UBR1: variants seen among roughly 807,000 people sequenced by gnomAD.
The protein encoded by UBR1 is ubiquitin protein ligase E3 component n-recognin 1, also known as E3 ubiquitin-protein ligase UBR1.
In UBR1, 102 loss-of-function variants were observed where a neutral mutation model predicts 242.1. That is an observed-to-expected ratio of 0.42 (90% CI 0.36 to 0.50). The LOEUF is 0.50. UBR1 is among the 20% of genes least tolerant of loss of function. The probability of loss-of-function intolerance (pLI) is 0.01; values close to 1 mark genes in which losing one functional copy is unlikely to be tolerated. For missense variants in UBR1, 1,772 were observed against 2,101.8 expected (o/e 0.84, Z 3.07); for synonymous variants, 675 against 684.8 (o/e 0.99, Z 0.22).
At chr15:43,092,102 T>C (rs750896784) in intron 1 of UBR1, 12 of 422,782 alleles carry the variant, frequency 2.8e-5, no homozygotes, top group South Asian at 5.0e-5. Flanking sequence ...AAACAAATTA[T>C]ACTCTTGGCT....
At chr15:43,069,440 C>A (rs944295337) in intron 5 of UBR1, among the ~76,000 whole-genome samples, 2 of 152,094 alleles carry the variant, frequency 1.3e-5, no homozygotes, top group Non-Finnish European at 2.9e-5. Context: ...TGATGCCCAG[C>A]TAATTTTTGT....
chr15:42,946,610 T>C (rs2031738831), intron 46 of UBR1, among the ~76,000 whole-genome samples: 1 of 152,196 alleles, frequency 6.6e-6, no homozygotes, highest in Admixed American at 6.5e-5. Context: ...AAGCCCCATC[T>C]AATAAGTGTA....
At chr15:42,978,362 C>CA (rs2032321689) in intron 37 of UBR1, among the ~76,000 whole-genome samples, 1 of 152,038 alleles carries the variant, frequency 6.6e-6, no homozygotes, top group African/African-American at 2.4e-5. Context: ...GAAGAACATG[C>CA]AAAACAGAGT....
intron 29 of UBR1, among the ~76,000 whole-genome samples, chr15:43,010,332 A>C (rs1263441130): frequency 2.0e-5 from 3 of 152,210 alleles, no homozygotes; most frequent in Non-Finnish European, 4.4e-5. Context: ...ACATGAAAAA[A>C]AAAAAAGCTG....
At chr15:43,020,022 C>T (rs1238460028) in intron 27 of UBR1, among the ~76,000 whole-genome samples, 2 of 151,968 alleles carry the variant, frequency 1.3e-5, no homozygotes, top group Non-Finnish European at 2.9e-5. Context: ...AGCTCAAGCA[C>T]CAAATCCAGG....
At position 43,036,511 on chromosome 15, in the gene UBR1, A is replaced by G. The variant is rs925613923; in HGVS notation, c.2088+17T>C. On this transcript the variant is annotated intron_variant, in intron 18 of 46. Transcript: ENST00000290650. ...GAAGATGAAGACACAAATATCAGAA[A>G]CAATTTAAATAGGTACCTGAAGCAT... 6 of 1,556,892 alleles carry G rather than the reference A, an allele frequency of 3.9e-6. No homozygotes were observed. The highest frequency in any genetic ancestry group is 1.7e-5 in the Admixed American group (1 of 59,860).
intron 28 of UBR1, among the ~76,000 whole-genome samples, chr15:43,016,576 A>G (rs1029421832): frequency 1.3e-5 from 2 of 152,098 alleles, no homozygotes; most frequent in Non-Finnish European, 2.9e-5. Context: ...AAAATATGGT[A>G]TTTTGGTTTT....
intron 15 of UBR1, among the ~76,000 whole-genome samples, chr15:43,042,679 G>A (rs1318460605): frequency 1.3e-5 from 2 of 152,220 alleles, no homozygotes; most frequent in South Asian, 2.1e-4. Context: ...CCACTGAACT[G>A]TACACTTAAA....
rs143365523 is a variant in UBR1, at chr15:43,099,139, C to A, written c.81+6803G>T. ...ATCACCTGAGGTCAGGAGTTTGAGACCAGCCCGGCCAACACGGCAAAATCC... is the reference window on the plus strand; with the variant it reads ...ATCACCTGAGGTCAGGAGTTTGAGAACAGCCCGGCCAACACGGCAAAATCC... On this transcript the variant is annotated intron_variant, in intron 1 of 46. Transcript: ENST00000290650. Among the ~76,000 whole-genome samples the A allele has an allele frequency of 5.8e-3, 885 of 152,100 alleles. 11 individuals are homozygous for A. Among genetic ancestry groups the A allele is most frequent in the African/African-American group, 0.02 (840 of 41,482 alleles).
rs1596082801 is a variant in UBR1 at position 42,977,681 on chromosome 15, GCT to G, written c.4218+197_4218+198del. 5.0e-5 allele frequency among the ~76,000 whole-genome samples: 7 copies of G among 140,904 alleles called. No individual in the cohort carries two copies. In the East Asian group the frequency reaches 1.3e-3, roughly 25 times the overall value. The allele number at this position is 140,904 out of a possible 152,430, so 92.4% of individuals were successfully genotyped here. On this transcript the variant is annotated intron_variant, in intron 38 of 46. Transcript: ENST00000290650. ...GACAAGACCTATTACAAATTGAAGT[GCT>G]TTTTTTTTTTTTTTTTAATGATTTT... is the stretch of plus-strand genomic sequence containing the variant.
chr15:43,065,337 T>A (rs1275938436), intron 6 of UBR1, among the ~76,000 whole-genome samples: 4 of 152,198 alleles, frequency 2.6e-5, no homozygotes, highest in Non-Finnish European at 5.9e-5. Context: ...TGATTCGTTC[T>A]CCTTTCCTAT....
intron 21 of UBR1, among the ~76,000 whole-genome samples, chr15:43,028,107 C>G (rs1427554173): frequency 6.6e-6 from 1 of 152,140 alleles, no homozygotes; most frequent in Non-Finnish European, 1.5e-5. Flanking sequence ...ACAGCATACA[C>G]ACATAGTATT....
chr15:43,015,829 G>A lies in UBR1; in HGVS notation c.3068C>T (p.Ala1023Val). The part of the protein sequence containing the change: ...DKEKAERKRK[A>V]EAARLHRQKI... ...CTGGCGATGTAGCCTAGCAGCTTCA[G>A]CTTTTCTTTTTCGTTCTGCTTTTTC... Residue 1023 changes from alanine to valine, a missense_variant, in exon 29 of 47, where the codon GCT (alanine) becomes GTT (valine). Physicochemically the swap from Ala to Val is moderately conservative, Grantham distance 64. This residue lies in a region of UBR1 where 965 missense variants were observed against 1,079.7 expected (regional missense o/e 0.89). Transcript: ENST00000290650. 6.2e-7 allele frequency: 1 copy of A among 1,614,068 alleles called. No individual in the cohort carries two copies. Among genetic ancestry groups the A allele is most frequent in the Non-Finnish European group, 8.5e-7 (1 of 1,180,004 alleles).
rs778023253 is a variant in UBR1, at chr15:42,952,340, T to C, written c.4944A>G (p.Glu1648=). 7.4e-6 allele frequency: 12 copies of C among 1,614,204 alleles called. No individual in the cohort carries two copies. In the South Asian group the frequency reaches 8.8e-5, roughly 12 times the overall value. Residue 1648 remains glutamate, a synonymous_variant, in exon 45 of 47, where the codon GAA becomes GAG. Transcript: ENST00000290650. ...NICCQEIVNG[E]EVGACIFHAL... is the part of the protein sequence containing the mutation. ...CGTGAAAAATGCAAGCTCCAACCTC[T>C]TCCCCGTTCACAATTTCCTGGCAGC...
rs1252700343 is a variant in UBR1, at chr15:42,943,595, G to C, written c.*1734C>G. 1 of 152,214 alleles carries C rather than the reference G, an allele frequency of 6.6e-6. No homozygotes were observed. The highest frequency in any genetic ancestry group is 1.5e-5 in the Non-Finnish European group (1 of 68,016). The allele number at this position is 152,214 out of a possible 1,614,324, so 9.4% of individuals were successfully genotyped here. A position where few individuals can be genotyped will look rare whatever the true frequency, so the allele number is the denominator to read the frequency against. On this transcript the variant is annotated 3_prime_UTR_variant, in exon 47 of 47. Transcript: ENST00000290650. ...TAATATAAAAAGGACTAAAAATAAAGTCAGTTTATCTTTGCTAAATTGGGG... is the reference window on the plus strand; with the variant it reads ...TAATATAAAAAGGACTAAAAATAAACTCAGTTTATCTTTGCTAAATTGGGG...
chr15:43,079,836 A>G (rs2033956013), intron 3 of UBR1, among the ~76,000 whole-genome samples: 1 of 152,246 alleles, frequency 6.6e-6, no homozygotes. Flanking sequence ...CAGGTAAAAG[A>G]TGAGATATCA....
At chr15:43,048,326 A>T (rs1037317128) in intron 13 of UBR1, 66 bp downstream of exon 13, 2 of 1,316,728 alleles carry the variant, frequency 1.5e-6, no homozygotes, top group Admixed American at 2.1e-5. Context: ...AATCTGCTTT[A>T]AAAAGACTGC....
chr15:42,995,633 A>G (rs2032626550), intron 33 of UBR1, among the ~76,000 whole-genome samples: 1 of 152,130 alleles, frequency 6.6e-6, no homozygotes, highest in Admixed American at 6.6e-5. Flanking sequence ...ACGCCACTGC[A>G]CTCCAGCCTG....
Position 43,002,600 on chromosome 15 carries a change from T to C in UBR1, c.3614A>G (p.Asn1205Ser). 24 of 1,614,162 alleles carry C rather than the reference T, an allele frequency of 1.5e-5. No individual in the cohort carries two copies. Among genetic ancestry groups the C allele is most frequent in the Non-Finnish European group, 1.9e-5 (23 of 1,180,026 alleles). The change falls in exon 32 of 47, where the codon AAT becomes AGT. Residue 1205 changes from asparagine to serine, a missense_variant. By Grantham distance (46) the Asn-to-Ser change is conservative. Around this residue, in one of 3 missense-constraint regions of UBR1, gnomAD observed 965 missense variants for 1,079.7 expected, o/e 0.89. Coordinates refer to ENST00000290650, the MANE Select transcript of UBR1 (RefSeq NM_174916.3). ...CAAAGGAATAATGGGGATCACAGTA[T>C]TGCACAGAGATTTGCAAAGAGGGCA... ...YLCPLCKSLC[N>S]TVIPIIPLQP...
Sources: gnomAD v4.1 joint callset for allele counts (sites outside exome capture counted in the v4.1 genomes callset) on GRCh38, gnomAD v4.1.1 for gene constraint, gnomAD v4.1.1 regional missense constraint, MANE v1.5 for transcripts, NCBI Gene and HGNC (gene_info 2026-07-23, HGNC 2026-07-21) for gene names.